CCSER1: variants seen among roughly 807,000 people sequenced by gnomAD.
CCSER1 encodes serine-rich coiled-coil domain-containing protein 1.
CCSER1 carries 41 observed loss-of-function variants against 82.0 expected under a neutral mutation model. The observed-to-expected ratio is 0.50, with a 90% CI of 0.39 to 0.65. CCSER1 has a LOEUF of 0.65. Among genes scored for constraint, CCSER1 ranks in the 30% least tolerant of loss-of-function variants. CCSER1 has a pLI of 0.00. For synonymous variants in CCSER1, 414 were observed against 383.9 expected (o/e 1.08, Z -0.92); for missense variants, 1,119 against 1,064.2 (o/e 1.05, Z -0.72).
At chr4:91,046,781 G>A (rs1212564010) in intron 9 of CCSER1, among the ~76,000 whole-genome samples, 7 of 151,956 alleles carry the variant, frequency 4.6e-5, no homozygotes, top group African/African-American at 1.4e-4. Context: ...GCAGTGGCAC[G>A]ATCTCGGCTC....
chr4:91,088,579 T>C (rs1723618879), intron 10 of CCSER1, among the ~76,000 whole-genome samples: 1 of 152,188 alleles, frequency 6.6e-6, no homozygotes, highest in Non-Finnish European at 1.5e-5. Flanking sequence ...TTGTGAAATA[T>C]ACAAAAATAG....
intron 1 of CCSER1, among the ~76,000 whole-genome samples, chr4:90,160,328 A>G (rs1216679029): frequency 6.6e-6 from 1 of 152,210 alleles, no homozygotes; most frequent in Non-Finnish European, 1.5e-5. Context: ...TAAGTTGGGA[A>G]TTGAAATCAC....
chr4:90,306,462 ATC>A (rs1376865821), intron 1 of CCSER1, among the ~76,000 whole-genome samples: 1 of 152,204 alleles, frequency 6.6e-6, no homozygotes, highest in African/African-American at 2.4e-5. Flanking sequence ...TACAATTGTC[ATC>A]TGTCAATTAA....
chr4:91,396,988 A>G (rs773964203), intron 10 of CCSER1, among the ~76,000 whole-genome samples: 6 of 152,018 alleles, frequency 3.9e-5, no homozygotes, highest in Non-Finnish European at 7.4e-5. Context: ...ATTGCCCTCC[A>G]CAATCACACT....
At position 91,543,392 on chromosome 4, in the gene CCSER1, A is replaced by G. The variant is rs569025082; in HGVS notation, c.2218-55180A>G. ...TTGTTAGTTGATGCAGTTTCTTCCTAGCCTCAATGGTCTTTACAATTTAGC... is the reference window on the plus strand; with the variant it reads ...TTGTTAGTTGATGCAGTTTCTTCCTGGCCTCAATGGTCTTTACAATTTAGC... On this transcript the variant is annotated intron_variant, in intron 10 of 10. Coordinates refer to ENST00000509176, the MANE Select transcript of CCSER1 (RefSeq NM_001145065.2). 2.6e-5 allele frequency among the ~76,000 whole-genome samples: 4 copies of G among 152,272 alleles called. No homozygotes were observed. The East Asian group carries it at 7.7e-4, about 29-fold the overall frequency.
At chr4:90,846,566 T>C (rs115267730) in intron 8 of CCSER1, among the ~76,000 whole-genome samples, 1 of 152,226 alleles carries the variant, frequency 6.6e-6, no homozygotes, top group Non-Finnish European at 1.5e-5. Context: ...TATTACTTTG[T>C]GTTGAGAATA....
intron 5 of CCSER1, among the ~76,000 whole-genome samples, chr4:90,523,002 C>G (rs1213661238): frequency 6.6e-6 from 1 of 151,928 alleles, no homozygotes; most frequent in Non-Finnish European, 1.5e-5. Context: ...CATTTACCCC[C>G]CTCTTTACCC....
At chr4:90,128,514 TGTGCGC>T (rs1560653453) in intron 1 of CCSER1, among the ~76,000 whole-genome samples, 1 of 151,170 alleles carries the variant, frequency 6.6e-6, no homozygotes, top group Non-Finnish European at 1.5e-5. Context: ...TGTGTGTGTG[TGTGCGC>T]GCGCGCGCGC....
intron 10 of CCSER1, among the ~76,000 whole-genome samples, chr4:91,474,594 C>T (rs1333465145): frequency 6.6e-6 from 1 of 151,264 alleles, no homozygotes; most frequent in African/African-American, 2.4e-5. Context: ...TAGTAGTTCT[C>T]ATTTACATTT....
intron 3 of CCSER1, chr4:90,370,036 A>G (rs545930863): frequency 1.5e-4 from 23 of 152,278 alleles, no homozygotes; most frequent in African/African-American, 5.5e-4. Context: ...AAAGAAGCAC[A>G]GCAAATGTTT....
intron 10 of CCSER1, among the ~76,000 whole-genome samples, chr4:91,530,684 CTTTT>C (rs35485374): frequency 3.7e-5 from 5 of 136,466 alleles, no homozygotes; most frequent in Admixed American, 7.3e-5. Context: ...ATTTTTCTTT[CTTTT>C]TTTTTTTTTT....
At chr4:91,463,120 A>G (rs1448505823) in intron 10 of CCSER1, among the ~76,000 whole-genome samples, 1 of 152,150 alleles carries the variant, frequency 6.6e-6, no homozygotes, top group Non-Finnish European at 1.5e-5. Context: ...GTAGAGGTAG[A>G]CTGACTCCCC....
chr4:91,329,225 A>ACTATTTTG (rs60439386), intron 10 of CCSER1, among the ~76,000 whole-genome samples: 1 of 151,450 alleles, frequency 6.6e-6, no homozygotes, highest in Non-Finnish European at 1.5e-5. Context: ...TAAAGGGAAA[A>ACTATTTTG]ATATTTTGAA....
chr4:90,306,116 A>T (rs1734224819), intron 1 of CCSER1, among the ~76,000 whole-genome samples: 1 of 152,170 alleles, frequency 6.6e-6, no homozygotes, highest in African/African-American at 2.4e-5. Flanking sequence ...TATGGAATCT[A>T]AATAATTAAA....
intron 8 of CCSER1, among the ~76,000 whole-genome samples, chr4:90,868,101 A>T (rs1021667569): frequency 3.9e-5 from 6 of 152,062 alleles, no homozygotes; most frequent in Non-Finnish European, 8.8e-5. Flanking sequence ...TATGGGGTTG[A>T]TGAGATACTT....
At chr4:90,611,775 A>T (rs1168924520) in intron 5 of CCSER1, among the ~76,000 whole-genome samples, 1 of 147,996 alleles carries the variant, frequency 6.8e-6, no homozygotes, top group Non-Finnish European at 1.5e-5. Flanking sequence ...TATATGTAGA[A>T]ACAGGCTTTA....
intron 4 of CCSER1, among the ~76,000 whole-genome samples, chr4:90,405,679 C>T (rs962822575): frequency 3.9e-5 from 6 of 152,150 alleles, no homozygotes; most frequent in African/African-American, 1.2e-4. Flanking sequence ...AGAAACCTTA[C>T]AAGCTAGAAG....
chr4:90,323,460 A>G (rs1403846296), intron 3 of CCSER1, among the ~76,000 whole-genome samples: 2 of 152,092 alleles, frequency 1.3e-5, no homozygotes, highest in African/African-American at 4.8e-5. Context: ...AGGAGGGGAA[A>G]CCTCTAAATG....
intron 9 of CCSER1, among the ~76,000 whole-genome samples, chr4:91,053,216 A>G (rs1743158393): frequency 6.6e-6 from 1 of 152,198 alleles, no homozygotes; most frequent in African/African-American, 2.4e-5. Context: ...ATAGATTATA[A>G]TGAACAAAAT....
Sources: allele counts gnomAD v4.1 joint callset (sites outside exome capture counted in the v4.1 genomes callset), GRCh38; gene constraint gnomAD v4.1.1; transcripts MANE v1.5; gene names NCBI Gene and HGNC (gene_info 2026-07-23, HGNC 2026-07-21).